WHRN: variants seen among roughly 807,000 people sequenced by gnomAD.
WHRN encodes the protein CASK-interacting protein CIP98.
WHRN carries 41 observed loss-of-function variants against 68.3 expected under a neutral mutation model. The observed-to-expected ratio is 0.60, with a 90% CI of 0.47 to 0.78. The LOEUF is 0.78. WHRN is among the 30% of genes least tolerant of loss of function. WHRN has a pLI of 0.00. For missense variants in WHRN, 1,243 were observed against 1,244.7 expected, an observed-to-expected ratio of 1.00 and a Z score of 0.02; for synonymous variants, 560 against 561.3, an observed-to-expected ratio of 1.00 and a Z score of 0.03.
At chr9:114,421,696 G>C (rs1836301639) in intron 7 of WHRN, among the ~76,000 whole-genome samples, 1 of 152,204 alleles carries the variant, frequency 6.6e-6, no homozygotes, top group Non-Finnish European at 1.5e-5. Flanking sequence ...ACAGTCATCA[G>C]GCCAAGGACC....
intron 1 of WHRN, chr9:114,503,166 G>A: frequency 2.0e-6 from 2 of 985,564 alleles, no homozygotes; most frequent in East Asian, 1.1e-4. Flanking sequence ...CTGCTGCCTA[G>A]GAGTTTCCCA....
intron 3 of WHRN, among the ~76,000 whole-genome samples, chr9:114,458,616 C>G (rs1839997580): frequency 6.6e-6 from 1 of 152,126 alleles, no homozygotes; most frequent in African/African-American, 2.4e-5. Flanking sequence ...TCCCTGGGTG[C>G]CCCAGGGCCC....
rs1281285142 is a variant in WHRN at position 114,423,387 on chromosome 9, G to A, written c.1553C>T (p.Ser518Phe). Reference protein sequence around the residue: ...PPGPGAGDTYSMVSYSDTGSS... With the variant: ...PPGPGAGDTYFMVSYSDTGSS... The stretch of plus-strand genomic sequence containing the variant: ...ACCCGTGTCACTGTAGGAGACCATG[G>A]AGTAGGTGTCCCCAGCCCCGGGGCC... Residue 518 changes from serine (S) to phenylalanine (F), a missense_variant, in exon 7 of 12, where the codon TCC becomes TTC. By Grantham distance (155) the Ser-to-Phe change is radical. Coordinates refer to ENST00000362057, the MANE Select transcript of WHRN (RefSeq NM_015404.4). The A allele has an allele frequency of 6.2e-7, 1 of 1,613,964 alleles. No individual in the cohort carries two copies.
chr9:114,454,132 A>G (rs1839570092), intron 3 of WHRN, among the ~76,000 whole-genome samples: 2 of 152,244 alleles, frequency 1.3e-5, no homozygotes, highest in Admixed American at 6.5e-5. Flanking sequence ...TCTGATGAAG[A>G]GTATCCACAG....
intron 2 of WHRN, 183 bp downstream of exon 2, chr9:114,478,370 T>A (rs767988789): frequency 1.8e-5 from 13 of 733,632 alleles, no homozygotes; most frequent in Non-Finnish European, 2.8e-5. Context: ...TATTATAACA[T>A]ACACTACACA....
At chr9:114,404,844 G>C (rs747460750) in intron 9 of WHRN, among the ~76,000 whole-genome samples, 2 of 152,138 alleles carry the variant, frequency 1.3e-5, no homozygotes, top group African/African-American at 2.4e-5. Flanking sequence ...GAATAGACTT[G>C]TGCTAGACTG....
chr9:114,403,628 C>T (rs1834823250), intron 10 of WHRN, among the ~76,000 whole-genome samples: 1 of 152,210 alleles, frequency 6.6e-6, no homozygotes, highest in African/African-American at 2.4e-5. Context: ...AGCCACCTGG[C>T]CATGTCAAAA....
At position 114,504,393 on chromosome 9, in the gene WHRN, C is replaced by G. The variant is rs41297175; in HGVS notation, c.409G>C (p.Glu137Gln). The G allele has an allele frequency of 3.8e-4, 615 of 1,605,834 alleles. 7 individuals are homozygous for G. In the South Asian group the frequency reaches 5.4e-3, roughly 14 times the overall value. Reference protein sequence around the residue: ...WGGPDSAGPGEVRLVSLRRAK... With the variant: ...WGGPDSAGPGQVRLVSLRRAK... ...CGCCGCAAACTCACCAGGCGCACCT[C>G]CCCTGGCCCCGCGCTGTCGGGGCCG... The change falls in exon 1 of 12, where the codon GAG becomes CAG. Residue 137 changes from glutamate (E) to glutamine (Q), a missense_variant. Physicochemically the swap from Glu to Gln is conservative, Grantham distance 29. Coordinates refer to ENST00000362057, the MANE Select transcript of WHRN (RefSeq NM_015404.4).
chr9:114,485,062 G>A (rs1033336831), intron 1 of WHRN, among the ~76,000 whole-genome samples: 4 of 152,186 alleles, frequency 2.6e-5, no homozygotes, highest in Non-Finnish European at 5.9e-5. Flanking sequence ...CTGTGCTGAG[G>A]AGCACGTGCA....
chr9:114,466,609 C>T (rs1039907485), intron 2 of WHRN, among the ~76,000 whole-genome samples: 1 of 152,192 alleles, frequency 6.6e-6, no homozygotes. Context: ...CCCTCACCCC[C>T]TCTTGGTCAC....
intron 1 of WHRN, among the ~76,000 whole-genome samples, chr9:114,495,465 T>C (rs1843375220): frequency 6.6e-6 from 1 of 152,034 alleles, no homozygotes; most frequent in Non-Finnish European, 1.5e-5. Context: ...GCTGGTGCAA[T>C]ACTCAAGTGG....
chr9:114,412,177 C>T (rs916046213), intron 7 of WHRN, among the ~76,000 whole-genome samples: 4 of 152,222 alleles, frequency 2.6e-5, no homozygotes, highest in South Asian at 2.1e-4. Flanking sequence ...TGAATCCAGA[C>T]GCTCAGGAGT....
chr9:114,402,497 C>T lies in WHRN; in HGVS notation c.*257G>A, dbSNP rs1441123693. The T allele has an allele frequency of 1.8e-5, 10 of 552,740 alleles. No individual in the cohort carries two copies. Among genetic ancestry groups the T allele is most frequent in the Non-Finnish European group, 2.9e-5 (9 of 307,398 alleles). 34.2% of individuals were successfully genotyped at this position (552,740 alleles called of 1,614,324 possible). Reference sequence around the variant, plus strand: ...CTCTGCCCTTCCTTTTCCTTTCTTCCTGTCTTGCAACCCACTTGTCCTGGG... The same window carrying T: ...CTCTGCCCTTCCTTTTCCTTTCTTCTTGTCTTGCAACCCACTTGTCCTGGG... On this transcript the variant is annotated 3_prime_UTR_variant, in exon 12 of 12. Coordinates refer to ENST00000362057, the MANE Select transcript of WHRN (RefSeq NM_015404.4).
At chr9:114,446,282 C>A (rs780964406) in intron 3 of WHRN, among the ~76,000 whole-genome samples, 1 of 152,048 alleles carries the variant, frequency 6.6e-6, no homozygotes, top group Non-Finnish European at 1.5e-5. Context: ...ATGAAATGCC[C>A]AAAATAGGCG....
chr9:114,479,081 T>A (rs1417900092), intron 1 of WHRN, among the ~76,000 whole-genome samples: 1 of 152,236 alleles, frequency 6.6e-6, no homozygotes, highest in Non-Finnish European at 1.5e-5. Flanking sequence ...GGCCTTTGGC[T>A]GGCATCTCGG....
At chr9:114,461,022 C>A (rs540730242) in intron 3 of WHRN, among the ~76,000 whole-genome samples, 1 of 152,252 alleles carries the variant, frequency 6.6e-6, no homozygotes, top group South Asian at 2.1e-4. Context: ...CAATAAACAG[C>A]AGGAATATAA....
intron 4 of WHRN, 40 bp downstream of exon 4, chr9:114,426,171 C>T (rs1028035023): frequency 1.2e-6 from 2 of 1,610,938 alleles, no homozygotes; most frequent in African/African-American, 1.3e-5. Context: ...TCAGAAATGG[C>T]CCTGGGGTCT....
rs988074871 is a variant in WHRN, at chr9:114,478,574, C to A, written c.816G>T (p.Leu272=). ...EGDRRSTLHL[L]QGGDEKKVNL... ...TCACCTTTTTCTCATCCCCTCCTTG[C>A]AGGAGGTGCAGGGTGCTCCTCCGGT... The change falls in exon 2 of 12, where the codon CTG becomes CTT. Residue 272 remains leucine (L), a synonymous_variant. Coordinates refer to ENST00000362057, the MANE Select transcript of WHRN (RefSeq NM_015404.4). The A allele has an allele frequency of 1.2e-6, 2 of 1,613,960 alleles. No homozygotes were observed. The highest frequency in any genetic ancestry group is 1.7e-6 in the Non-Finnish European group (2 of 1,179,964).
intron 7 of WHRN, among the ~76,000 whole-genome samples, chr9:114,420,848 T>G (rs1703945657): frequency 6.6e-6 from 1 of 152,028 alleles, no homozygotes; most frequent in African/African-American, 2.4e-5. Flanking sequence ...ATCCTCTCAT[T>G]TAATCCTCCC....
Sources: gnomAD v4.1 joint callset for allele counts (sites outside exome capture counted in the v4.1 genomes callset) on GRCh38, gnomAD v4.1.1 for gene constraint, MANE v1.5 for transcripts, NCBI Gene and HGNC (gene_info 2026-07-23, HGNC 2026-07-21) for gene names.